The following CENPF variants were observed in gnomAD, a reference collection of about 807,000 sequenced individuals.
The protein encoded by CENPF is centromere protein F.
A neutral mutation model predicts 307.3 loss-of-function variants in CENPF; 214 were observed. The ratio of observed to expected loss-of-function variants is 0.70; its 90% CI spans 0.62 to 0.78. The LOEUF is 0.78. CENPF is among the 30% of genes least tolerant of loss of function. The pLI is 0.00. For synonymous variants in CENPF, 1,259 were observed against 1,270.6 expected, an observed-to-expected ratio of 0.99 and a Z score of 0.19; for missense variants, 3,401 against 3,483.9, an observed-to-expected ratio of 0.98 and a Z score of 0.60.
At chr1:214,607,333 C>T (rs904636345) in intron 1 of CENPF, among the ~76,000 whole-genome samples, 2 of 152,190 alleles carry the variant, frequency 1.3e-5, no homozygotes, top group Admixed American at 6.5e-5. Flanking sequence ...GACAGATGGC[C>T]GAGCAGACAG....
chr1:214,629,166 C>G lies in CENPF; in HGVS notation c.1189C>G (p.Gln397Glu), dbSNP rs371315575. The G allele has an allele frequency of 3.1e-6, 5 of 1,606,362 alleles. No individual in the cohort carries two copies. The African/African-American group carries it at 6.7e-5, about 22-fold the overall frequency. The change falls in exon 8 of 20, where the codon CAA becomes GAA. Residue 397 changes from glutamine (Q) to glutamate (E), a missense_variant. Coordinates refer to ENST00000366955, the MANE Select transcript of CENPF (RefSeq NM_016343.4). ...QKIKEKEKEF[Q>E]EELSRQQRSF... Reference sequence around the variant, plus strand: ...AATTAAGGAAAAAGAAAAGGAGTTTCAAGAGGTAAGGTAAATGGATTCATG... The same window carrying G: ...AATTAAGGAAAAAGAAAAGGAGTTTGAAGAGGTAAGGTAAATGGATTCATG...
At chr1:214,652,238 T>A (rs958720304) in intron 15 of CENPF, among the ~76,000 whole-genome samples, 2 of 150,830 alleles carry the variant, frequency 1.3e-5, no homozygotes, top group East Asian at 4.0e-4. Flanking sequence ...GGTTTCACTG[T>A]GTTAGCCAGG....
intron 6 of CENPF, among the ~76,000 whole-genome samples, chr1:214,621,444 GAA>G (rs1296984715): frequency 6.6e-6 from 1 of 152,176 alleles, no homozygotes; most frequent in African/African-American, 2.4e-5. Context: ...TGGTGTTTTG[GAA>G]TCTACTCTGT....
chr1:214,619,831 T>C (rs1657456568), intron 5 of CENPF, among the ~76,000 whole-genome samples: 1 of 152,206 alleles, frequency 6.6e-6, no homozygotes, highest in Non-Finnish European at 1.5e-5. Flanking sequence ...TTAACCCTCA[T>C]TTTGATGTCA....
intron 16 of CENPF, 56 bp downstream of exon 16, chr1:214,653,045 A>G: frequency 6.9e-7 from 1 of 1,450,674 alleles, no homozygotes; most frequent in Non-Finnish European, 9.7e-7. Flanking sequence ...GGTGGTAGTG[A>G]TTTTAATGGT....
chr1:214,624,899 CTG>C (rs1657611020), intron 7 of CENPF, among the ~76,000 whole-genome samples: 2 of 152,054 alleles, frequency 1.3e-5, no homozygotes, highest in South Asian at 2.1e-4. Context: ...CCACCTATAA[CTG>C]TGATTTGTCT....
rs754660590 is a variant in CENPF, at chr1:214,663,764, C to G, written c.9315C>G (p.Ser3105=). Residue 3105 remains serine, a synonymous_variant, in exon 20 of 20, where the codon TCC becomes TCG. Coordinates refer to ENST00000366955, the MANE Select transcript of CENPF (RefSeq NM_016343.4). The part of the protein sequence containing the change: ...LVPSPKAGLE[S]NGSENCKVQ ...CCAGCCCCAAAGCTGGACTGGAGTC[C>G]AACGGCAGTGAGAACTGTAAGGTCC... 1.2e-6 allele frequency: 2 copies of G among 1,614,058 alleles called. No individual in the cohort carries two copies. Among genetic ancestry groups the G allele is most frequent in the South Asian group, 2.2e-5 (2 of 91,046 alleles).
chr1:214,618,599 A>G lies in CENPF; in HGVS notation c.386A>G (p.Gln129Arg). ...TGTAAATCTGAGCTTGAAAGAAGCC[A>G]ACAAGCTGCGCAGTCTGCAGATGTC... is the stretch of plus-strand genomic sequence containing the variant. ...KRCKSELERS[Q>R]QAAQSADVSL... Residue 129 changes from glutamine to arginine, a missense_variant, in exon 4 of 20, where the codon CAA (glutamine) becomes CGA (arginine). By Grantham distance (43) the Gln-to-Arg change is conservative. Transcript: ENST00000366955. 3.1e-6 allele frequency: 5 copies of G among 1,614,028 alleles called. No homozygotes were observed. The highest frequency in any genetic ancestry group is 4.2e-6 in the Non-Finnish European group (5 of 1,179,960).
rs1381875763 is a variant in CENPF at position 214,640,665 on chromosome 1, CAA to C, written c.2329_2330del (p.Asn777Ter). 6.2e-7 allele frequency: 1 copy of C among 1,614,034 alleles called. No homozygotes were observed. The highest frequency in any genetic ancestry group is 8.5e-7 in the Non-Finnish European group (1 of 1,179,980). ...AAATCCAAAGATGCTTCTCTGGTGA[CAA>C]ATGAAGATCATCAGAGAAGTCTTTT... On this transcript the variant is annotated frameshift_variant, in exon 12 of 20. Transcript: ENST00000366955. LOFTEE classifies it high-confidence loss of function.
In CENPF at chr1:214,640,088, C is replaced by G. The variant is rs1463425938; in HGVS notation, c.1750C>G (p.Leu584Val). 6.3e-7 allele frequency: 1 copy of G among 1,594,412 alleles called. No individual in the cohort carries two copies. The highest frequency in any genetic ancestry group is 8.5e-7 in the Non-Finnish European group (1 of 1,175,270). Residue 584 changes from leucine to valine, a missense_variant, in exon 12 of 20, where the codon CTT (leucine) becomes GTT (valine). Coordinates refer to ENST00000366955, the MANE Select transcript of CENPF (RefSeq NM_016343.4). ...LKKREHHIEQ[L>V]NDKLSKTEKE... ...GAAAAGAGAACATCACATTGAACAA[C>G]TTAATGATAAGTTAAGCAAGACAGA...
intron 6 of CENPF, 51 bp downstream of exon 6, chr1:214,620,997 A>C: frequency 1.3e-6 from 2 of 1,515,102 alleles, no homozygotes; most frequent in Non-Finnish European, 1.8e-6. Flanking sequence ...AGGTAATTTC[A>C]CAGGTGATTT....
chr1:214,644,560 A>T lies in CENPF; in HGVS notation c.4990A>T (p.Ile1664Phe), dbSNP rs767291337. ...SLLGIDTEDA[I>F]QGRNESCDIS... ...TTGTTATGTATTATAATTACAGGCTATTCAAGGCCGAAATGAGAGCTGTGA... is the reference window on the plus strand; with the variant it reads ...TTGTTATGTATTATAATTACAGGCTTTTCAAGGCCGAAATGAGAGCTGTGA... Residue 1664 changes from isoleucine (I) to phenylalanine (F), a missense_variant, in exon 13 of 20, where the codon ATT (isoleucine) becomes TTT (phenylalanine). Coordinates refer to ENST00000366955, the MANE Select transcript of CENPF (RefSeq NM_016343.4). The T allele has an allele frequency of 6.3e-7, 1 of 1,585,426 alleles. No individual in the cohort carries two copies. Among genetic ancestry groups the T allele is most frequent in the South Asian group, 1.2e-5 (1 of 86,726 alleles).
intron 7 of CENPF, among the ~76,000 whole-genome samples, chr1:214,624,160 T>C (rs943038887): frequency 2.6e-5 from 4 of 151,874 alleles, no homozygotes; most frequent in Non-Finnish European, 4.4e-5. Context: ...TTAAAAAATA[T>C]ATTTCTGAAT....
At chr1:214,652,593 G>A (rs567594411) in intron 15 of CENPF, among the ~76,000 whole-genome samples, 3 of 150,568 alleles carry the variant, frequency 2.0e-5, no homozygotes, top group Admixed American at 1.3e-4. Context: ...ATAGGCGCCT[G>A]CCACCACGCC....
intron 3 of CENPF, among the ~76,000 whole-genome samples, chr1:214,616,077 C>T (rs954369006): frequency 1.3e-5 from 2 of 151,938 alleles, no homozygotes; most frequent in Admixed American, 6.6e-5. Flanking sequence ...GAGGTTGAAC[C>T]GTTTGGAATG....
chr1:214,629,021 C>G, intron 7 of CENPF, 25 bp from the exon 8 acceptor site: 1 of 1,506,124 alleles, frequency 6.6e-7, no homozygotes, highest in Non-Finnish European at 8.9e-7. Flanking sequence ...TTTATTTTGT[C>G]TTGAACATTT....
intron 18 of CENPF, among the ~76,000 whole-genome samples, chr1:214,657,677 A>G (rs922179386): frequency 1.3e-5 from 2 of 152,192 alleles, no homozygotes; most frequent in Non-Finnish European, 2.9e-5. Flanking sequence ...ATGCTGAAAA[A>G]AATTATTAAA....
chr1:214,654,677 T>G (rs1452681274), intron 16 of CENPF, among the ~76,000 whole-genome samples: 1 of 152,052 alleles, frequency 6.6e-6, no homozygotes, highest in Non-Finnish European at 1.5e-5. Context: ...ATTTGGGAAT[T>G]GTGAATAAGA....
intron 1 of CENPF, chr1:214,605,455 T>A: frequency 1.9e-6 from 1 of 524,522 alleles, no homozygotes; most frequent in South Asian, 2.5e-5. Context: ...TTTTTTTTTT[T>A]TAAATTTTAA....
Sources: gnomAD v4.1 joint callset for allele counts (sites outside exome capture counted in the v4.1 genomes callset) on GRCh38, gnomAD v4.1.1 for gene constraint, MANE v1.5 for transcripts, NCBI Gene and HGNC (gene_info 2026-07-23, HGNC 2026-07-21) for gene names.